Variants in DDX42 observed in about 807,000 individuals in gnomAD.
The protein encoded by DDX42 is ATP-dependent RNA helicase DDX42.
A neutral mutation model predicts 101.5 loss-of-function variants in DDX42; 22 were observed. The ratio of observed to expected loss-of-function variants is 0.22; its 90% CI spans 0.15 to 0.31. DDX42 has a LOEUF of 0.31. Among genes scored for constraint, DDX42 ranks in the 10% least tolerant of loss-of-function variants. The pLI is 1.00. For synonymous variants in DDX42, 402 were observed against 401.2 expected, an observed-to-expected ratio of 1.00 and a Z score of -0.02; for missense variants, 849 against 1,199.9, an observed-to-expected ratio of 0.71 and a Z score of 4.32.
chr17:63,814,932 G>A (rs183115111), intron 15 of DDX42, among the ~76,000 whole-genome samples: 117 of 152,184 alleles, frequency 7.7e-4, no homozygotes, highest in Admixed American at 1.8e-3. Context: ...CAAGTGATCC[G>A]CCCACCTCGG....
intron 10 of DDX42, among the ~76,000 whole-genome samples, chr17:63,809,290 T>C (rs1389829158): frequency 6.6e-6 from 1 of 152,238 alleles, no homozygotes; most frequent in Non-Finnish European, 1.5e-5. Flanking sequence ...GTCATTATGC[T>C]TTAAATCAGG....
At chr17:63,802,965 C>A (rs1050225567) in intron 6 of DDX42, among the ~76,000 whole-genome samples, 1 of 150,894 alleles carries the variant, frequency 6.6e-6, no homozygotes, top group African/African-American at 2.4e-5. Context: ...GGAAAACTTA[C>A]ATCTACCACA....
At chr17:63,782,397 G>A (rs1453947817) in intron 1 of DDX42, among the ~76,000 whole-genome samples, 5 of 151,244 alleles carry the variant, frequency 3.3e-5, no homozygotes, top group Non-Finnish European at 5.9e-5. Context: ...AGCTCACTCC[G>A]GACCCCTCTC....
In DDX42 at chr17:63,818,588, T is replaced by G. The variant is rs1243451306; in HGVS notation, c.*190T>G. 5.6e-5 allele frequency: 33 copies of G among 589,526 alleles called. No individual in the cohort carries two copies. The highest frequency in any genetic ancestry group is 8.5e-5 in the Non-Finnish European group (29 of 341,660). The allele number at this position is 589,526 out of a possible 1,614,324, so 36.5% of individuals were successfully genotyped here. A position where few individuals can be genotyped will look rare whatever the true frequency, so the allele number is the denominator to read the frequency against. On this transcript the variant is annotated 3_prime_UTR_variant, in exon 18 of 18. Coordinates refer to ENST00000389924, the MANE Select transcript of DDX42 (RefSeq NM_203499.3). ...ATGTTTTCTTGGGAAGCTGTTTTGGTCCTTGGAAGCAGTGAGAGCTGGGAA... is the reference window on the plus strand; with the variant it reads ...ATGTTTTCTTGGGAAGCTGTTTTGGGCCTTGGAAGCAGTGAGAGCTGGGAA...
chr17:63,807,838 T>C lies in DDX42; in HGVS notation c.961T>C (p.Leu321=). The C allele has an allele frequency of 1.9e-6, 3 of 1,613,818 alleles. No homozygotes were observed. The highest frequency in any genetic ancestry group is 2.7e-5 in the African/African-American group (2 of 74,924). ...GATTCATATAATGGACCAGAAGGAG[T>C]TGGAACCAGGTGATGGACCAATTGC... is the stretch of plus-strand genomic sequence containing the variant. The part of the protein sequence containing the change: ...MLIHIMDQKE[L]EPGDGPIAVI... Residue 321 remains leucine (L), a synonymous_variant, in exon 9 of 18, where the codon TTG becomes CTG. Coordinates refer to ENST00000389924, the MANE Select transcript of DDX42 (RefSeq NM_203499.3).
intron 3 of DDX42, among the ~76,000 whole-genome samples, chr17:63,794,624 GACCCTGTCTATAAAA>G (rs1250056682): frequency 6.9e-6 from 1 of 145,518 alleles, no homozygotes; most frequent in African/African-American, 2.5e-5. Flanking sequence ...AGCATAGTGA[GACCCTGTCTATAAAA>G]AAAAAAAAAA....
chr17:63,792,447 T>C lies in DDX42; in HGVS notation c.257T>C (p.Val86Ala). The part of the protein sequence containing the change: ...FEDEEEDSSN[V>A]DLPYIPAENS... Reference sequence around the variant, plus strand: ...GATGAGGAAGAAGATTCTAGCAACGTTGATTTACCTTACATTCCTGCTGAA... The same window carrying C: ...GATGAGGAAGAAGATTCTAGCAACGCTGATTTACCTTACATTCCTGCTGAA... Residue 86 changes from valine to alanine, a missense_variant, in exon 3 of 18, where the codon GTT becomes GCT. Val to Ala is a moderately conservative substitution (Grantham distance 64). Around this residue, in one of 5 missense-constraint regions of DDX42, gnomAD observed 92 missense variants for 106.7 expected, o/e 0.86. Transcript: ENST00000389924. 1 of 1,613,290 alleles carries C rather than the reference T, an allele frequency of 6.2e-7. No individual in the cohort carries two copies. The highest frequency in any genetic ancestry group is 2.2e-5 in the East Asian group (1 of 44,822).
chr17:63,788,435 T>C (rs1310413288), intron 2 of DDX42, among the ~76,000 whole-genome samples: 1 of 150,430 alleles, frequency 6.6e-6, no homozygotes, highest in Non-Finnish European at 1.5e-5. Flanking sequence ...GCCTCCCAAG[T>C]AACTAGGACT....
intron 7 of DDX42, 149 bp downstream of exon 7, chr17:63,805,324 C>T: frequency 1.1e-6 from 1 of 933,296 alleles, no homozygotes; most frequent in East Asian, 2.9e-5. Flanking sequence ...CCCTTCTGTT[C>T]ATGTCTCTTA....
chr17:63,774,653 C>T (rs1029521398), intron 1 of DDX42: 1 of 152,820 alleles, frequency 6.5e-6, no homozygotes, highest in East Asian at 1.9e-4. Context: ...CGCCCCCTCG[C>T]CTAGGAAAAG....
chr17:63,817,960 G>A lies in DDX42; in HGVS notation c.2379G>A (p.Gly793=). ...GAQGVNNTAS[G]NNSREGTGGS... is the part of the protein sequence containing the mutation. ...AAGGAGTCAACAACACAGCTTCAGG[G>A]AATAACAGCCGAGAAGGGACTGGGG... Residue 793 remains glycine, a synonymous_variant, in exon 18 of 18, where the codon GGG becomes GGA. Transcript: ENST00000389924. The A allele has an allele frequency of 6.2e-7, 1 of 1,614,178 alleles. No homozygotes were observed. The highest frequency in any genetic ancestry group is 8.5e-7 in the Non-Finnish European group (1 of 1,180,038).
At chr17:63,778,702 A>G (rs2039450607) in intron 1 of DDX42, among the ~76,000 whole-genome samples, 1 of 151,650 alleles carries the variant, frequency 6.6e-6, no homozygotes, top group South Asian at 2.1e-4. Flanking sequence ...GTGCAGTGGC[A>G]CGATCTCGGC....
At chr17:63,778,960 G>T (rs1020346136) in intron 1 of DDX42, among the ~76,000 whole-genome samples, 3 of 147,872 alleles carry the variant, frequency 2.0e-5, no homozygotes, top group African/African-American at 8.0e-5. Context: ...TGGAAAGGCG[G>T]GTATACGTGA....
intron 4 of DDX42, among the ~76,000 whole-genome samples, chr17:63,798,619 G>A (rs947075007): frequency 4.6e-5 from 7 of 152,168 alleles, no homozygotes; most frequent in African/African-American, 1.7e-4. Context: ...TATAAGGAGG[G>A]CTGTAATAAT....
chr17:63,782,149 G>A (rs571726321), intron 1 of DDX42, among the ~76,000 whole-genome samples: 19 of 152,206 alleles, frequency 1.2e-4, no homozygotes, highest in African/African-American at 2.4e-4. Context: ...ACGGTGGTGC[G>A]TGCTTGTAAT....
At chr17:63,789,319 TC>T (rs546335890) in intron 2 of DDX42, among the ~76,000 whole-genome samples, 65 of 152,108 alleles carry the variant, frequency 4.3e-4, no homozygotes, top group African/African-American at 1.5e-3. Flanking sequence ...CCTCAGGTGA[TC>T]CACCCGCCTC....
chr17:63,779,810 C>T (rs1227249859), intron 1 of DDX42, among the ~76,000 whole-genome samples: 2 of 152,072 alleles, frequency 1.3e-5, no homozygotes, highest in Non-Finnish European at 2.9e-5. Flanking sequence ...TCTCAAACTC[C>T]TGGCCTCAAG....
At chr17:63,802,712 A>AC (rs2039786784) in intron 6 of DDX42, among the ~76,000 whole-genome samples, 1 of 151,982 alleles carries the variant, frequency 6.6e-6, no homozygotes, top group African/African-American at 2.4e-5. Flanking sequence ...GCAGTTTGAG[A>AC]CCAGCCTGAC....
chr17:63,798,547 C>G (rs1301147613), intron 4 of DDX42, among the ~76,000 whole-genome samples: 1 of 152,090 alleles, frequency 6.6e-6, no homozygotes, highest in Non-Finnish European at 1.5e-5. Flanking sequence ...TGAGTCCACT[C>G]ATGGGGATTT....
Sources: allele counts gnomAD v4.1 joint callset (sites outside exome capture counted in the v4.1 genomes callset), GRCh38; gene constraint gnomAD v4.1.1; regional missense constraint gnomAD v4.1.1; transcripts MANE v1.5; gene names NCBI Gene and HGNC (gene_info 2026-07-23, HGNC 2026-07-21).